ASTN2: variants seen among roughly 807,000 people sequenced by gnomAD.
ASTN2 encodes the protein astrotactin 2.
In ASTN2, 54 loss-of-function variants were observed where a neutral mutation model predicts 139.8. The observed-to-expected ratio is 0.39, with a 90% confidence interval of 0.31 to 0.48. The LOEUF (loss-of-function observed/expected upper bound fraction) is 0.48, where lower values mean the gene tolerates loss of function less well. ASTN2 is among the 20% of genes least tolerant of loss of function. The pLI, the probability that ASTN2 is intolerant of heterozygous loss-of-function variation, is 0.95. For missense variants in ASTN2, 1,565 were observed against 1,725.1 expected, an observed-to-expected ratio of 0.91 and a Z score of 1.64; for synonymous variants, 756 against 719.5, an observed-to-expected ratio of 1.05 and a Z score of -0.81.
chr9:116,551,201 G>A (rs1022779230), intron 19 of ASTN2: 2 of 152,160 alleles, frequency 1.3e-5, no homozygotes, highest in Admixed American at 1.3e-4. Flanking sequence ...CTAGTCATTT[G>A]CATTAATCAG....
intron 11 of ASTN2, among the ~76,000 whole-genome samples, chr9:116,837,895 C>A (rs1310242077): frequency 6.6e-6 from 1 of 152,162 alleles, no homozygotes; most frequent in Non-Finnish European, 1.5e-5. Context: ...AAAGGAACAG[C>A]ACTAGTCTTA....
intron 3 of ASTN2, among the ~76,000 whole-genome samples, chr9:117,163,695 C>A (rs115797492): frequency 6.6e-6 from 1 of 152,028 alleles, no homozygotes; most frequent in Non-Finnish European, 1.5e-5. Flanking sequence ...ATGAGACAAT[C>A]GATATATACA....
Position 116,472,683 on chromosome 9 carries a change from C to A in ASTN2, c.3497+14676G>T, listed in dbSNP as rs570941369. Among the ~76,000 whole-genome samples the A allele has an allele frequency of 3.8e-3, 577 of 151,572 alleles. 2 individuals are homozygous for A. Among genetic ancestry groups the A allele is most frequent in the Middle Eastern group, 0.02 (6 of 294 alleles). ...CCTTGGGAGGCTGAGGCAGGCAGATCATTTGAGGTCAGGAGTTCAAGACCA... is the reference window on the plus strand; with the variant it reads ...CCTTGGGAGGCTGAGGCAGGCAGATAATTTGAGGTCAGGAGTTCAAGACCA... On this transcript the variant is annotated intron_variant, in intron 20 of 22. Coordinates refer to ENST00000313400, the MANE Select transcript of ASTN2 (RefSeq NM_001365068.1).
chr9:117,286,848 T>C (rs1834462771), intron 2 of ASTN2, among the ~76,000 whole-genome samples: 1 of 152,244 alleles, frequency 6.6e-6, no homozygotes, highest in Admixed American at 6.5e-5. Context: ...ATAGCTAACA[T>C]TTTAATAACG....
intron 10 of ASTN2, among the ~76,000 whole-genome samples, chr9:116,876,734 CT>C (rs910113792): frequency 9.2e-5 from 14 of 151,912 alleles, no homozygotes; most frequent in African/African-American, 3.1e-4. Context: ...TGACCATTAG[CT>C]TTTTTTTAAG....
At chr9:116,440,317 G>T (rs1298385944) in intron 22 of ASTN2, among the ~76,000 whole-genome samples, 1 of 152,102 alleles carries the variant, frequency 6.6e-6, no homozygotes, top group Admixed American at 6.5e-5. Context: ...CCTTCAAAGA[G>T]CCTAAGTTTC....
chr9:117,374,121 A>C (rs150581135), intron 1 of ASTN2, among the ~76,000 whole-genome samples: 1 of 152,140 alleles, frequency 6.6e-6, no homozygotes, highest in Non-Finnish European at 1.5e-5. Context: ...AACCCATTCA[A>C]TCGTCCACTT....
chr9:116,515,262 C>G (rs1850595856), intron 19 of ASTN2, among the ~76,000 whole-genome samples: 1 of 152,086 alleles, frequency 6.6e-6, no homozygotes, highest in Non-Finnish European at 1.5e-5. Flanking sequence ...AGGGGTTTAC[C>G]CCTTAGGAAA....
intron 1 of ASTN2, among the ~76,000 whole-genome samples, chr9:117,311,981 C>A (rs1396761261): frequency 6.6e-6 from 1 of 152,168 alleles, no homozygotes; most frequent in East Asian, 1.9e-4. Context: ...GCTCCACCAC[C>A]AATGTGAACC....
intron 1 of ASTN2, among the ~76,000 whole-genome samples, chr9:117,350,566 G>T (rs1385061118): frequency 6.7e-6 from 1 of 149,810 alleles, no homozygotes; most frequent in Non-Finnish European, 1.5e-5. Flanking sequence ...AAAAAAAAAG[G>T]AAAGAAAGAA....
At chr9:116,731,126 T>A (rs181884086) in intron 14 of ASTN2, among the ~76,000 whole-genome samples, 1 of 151,346 alleles carries the variant, frequency 6.6e-6, no homozygotes, top group Non-Finnish European at 1.5e-5. Context: ...GCTCCCCACC[T>A]GGGGATTATG....
At chr9:117,135,483 T>A (rs1829929402) in intron 4 of ASTN2, among the ~76,000 whole-genome samples, 1 of 152,206 alleles carries the variant, frequency 6.6e-6, no homozygotes. Context: ...CCCGTCTCCA[T>A]CCATTCATTA....
At chr9:117,267,862 G>C (rs1833970948) in intron 2 of ASTN2, among the ~76,000 whole-genome samples, 2 of 152,184 alleles carry the variant, frequency 1.3e-5, no homozygotes, top group Middle Eastern at 3.4e-3. Context: ...CAGCTTTGAT[G>C]GTATGTGGGG....
chr9:116,850,771 C>A (rs535946598), intron 11 of ASTN2, among the ~76,000 whole-genome samples: 1 of 152,052 alleles, frequency 6.6e-6, no homozygotes, highest in Non-Finnish European at 1.5e-5. Context: ...AGGGTTGGTA[C>A]CAGCTGGAGA....
chr9:116,842,243 T>C (rs1326368426), intron 11 of ASTN2, among the ~76,000 whole-genome samples: 1 of 152,100 alleles, frequency 6.6e-6, no homozygotes, highest in Non-Finnish European at 1.5e-5. Flanking sequence ...GAAGAAGAGA[T>C]AGGGAAAGAT....
At chr9:117,046,952 G>A (rs549055592) in intron 5 of ASTN2, among the ~76,000 whole-genome samples, 13 of 152,136 alleles carry the variant, frequency 8.5e-5, no homozygotes, top group Non-Finnish European at 1.5e-4. Flanking sequence ...TCCTGGCAAG[G>A]TTTGGTTCCT....
At chr9:117,222,418 G>A (rs1173703323) in intron 2 of ASTN2, among the ~76,000 whole-genome samples, 1 of 151,926 alleles carries the variant, frequency 6.6e-6, no homozygotes, top group Non-Finnish European at 1.5e-5. Context: ...GCAGAGACTG[G>A]GGCCTGAAAG....
Position 116,699,542 on chromosome 9 carries a change from C to T in ASTN2, c.2806+26229G>A. On this transcript the variant is annotated intron_variant, in intron 16 of 22. Coordinates refer to ENST00000313400, the MANE Select transcript of ASTN2 (RefSeq NM_001365068.1). This position sits in a 1 kb window ranked among gnomAD's most constrained non-coding sequence, Gnocchi z 4.2. ...CTGACAGTAGTCGCAAGGAAATTCT[C>T]CATTTTCCTAAGGGTGGGGGCTATA... 1 of 1,614,178 alleles carries T rather than the reference C, an allele frequency of 6.2e-7. No homozygotes were observed. Among genetic ancestry groups the T allele is most frequent in the Non-Finnish European group, 8.5e-7 (1 of 1,180,034 alleles).
chr9:117,275,893 C>G (rs1022837685), intron 2 of ASTN2, among the ~76,000 whole-genome samples: 3 of 152,048 alleles, frequency 2.0e-5, no homozygotes, highest in Non-Finnish European at 4.4e-5. Context: ...CTCTTATAAC[C>G]CCAAATAACC....
Sources: allele counts gnomAD v4.1 joint callset (sites outside exome capture counted in the v4.1 genomes callset), GRCh38; gene constraint gnomAD v4.1.1; non-coding constraint Gnocchi (gnomAD v3.1); transcripts MANE v1.5; gene names NCBI Gene and HGNC (gene_info 2026-07-23, HGNC 2026-07-21).